HS3ST5: variants seen among roughly 807,000 people sequenced by gnomAD.
HS3ST5 encodes the protein heparan sulfate glucosamine 3-O-sulfotransferase 5.
In HS3ST5, 10 loss-of-function variants were observed where a neutral mutation model predicts 25.4. The observed-to-expected ratio is 0.39, with a 90% CI of 0.24 to 0.67. The LOEUF is 0.67. Among genes scored for constraint, HS3ST5 ranks in the 30% least tolerant of loss-of-function variants. The probability of loss-of-function intolerance (pLI) is 0.44; values close to 1 mark genes in which losing one functional copy is unlikely to be tolerated. For missense variants in HS3ST5, 324 were observed against 420.7 expected, an observed-to-expected ratio of 0.77 and a Z score of 2.01; for synonymous variants, 170 against 162.4, an observed-to-expected ratio of 1.05 and a Z score of -0.36.
At chr6:114,246,292 G>A (rs946448740) in intron 1 of HS3ST5, among the ~76,000 whole-genome samples, 1 of 152,174 alleles carries the variant, frequency 6.6e-6, no homozygotes, top group Non-Finnish European at 1.5e-5. Flanking sequence ...GGAAATTACT[G>A]GAAACTTGCA....
intron 2 of HS3ST5, among the ~76,000 whole-genome samples, chr6:114,178,170 G>A (rs1012260236): frequency 1.3e-5 from 2 of 152,056 alleles, no homozygotes; most frequent in Non-Finnish European, 2.9e-5. Flanking sequence ...ATGAACAAAG[G>A]TTACCCCAAA....
At chr6:114,191,495 A>C (rs1780500548) in intron 2 of HS3ST5, among the ~76,000 whole-genome samples, 2 of 152,234 alleles carry the variant, frequency 1.3e-5, no homozygotes. Context: ...GAAAGATGAC[A>C]TGAGAATCAA....
chr6:114,176,333 T>A (rs1253686162), intron 2 of HS3ST5, among the ~76,000 whole-genome samples: 1 of 152,184 alleles, frequency 6.6e-6, no homozygotes, highest in Non-Finnish European at 1.5e-5. Flanking sequence ...ATGTCTATCA[T>A]CTACTAAGTT....
chr6:114,114,957 G>T (rs538697157), intron 3 of HS3ST5, among the ~76,000 whole-genome samples: 10 of 152,066 alleles, frequency 6.6e-5, no homozygotes, highest in African/African-American at 2.4e-4. Context: ...CTTTATAAAT[G>T]CAAGGACAGT....
At chr6:114,341,654 G>A (rs981588588) in intron 1 of HS3ST5, among the ~76,000 whole-genome samples, 2 of 139,808 alleles carry the variant, frequency 1.4e-5, no homozygotes, top group African/African-American at 3.3e-5. Context: ...TGAGGGGTGT[G>A]GGGGGGGCCA....
At chr6:114,098,237 T>A (rs1012933330) in intron 3 of HS3ST5, among the ~76,000 whole-genome samples, 1 of 151,932 alleles carries the variant, frequency 6.6e-6, no homozygotes, top group Admixed American at 6.6e-5. Context: ...AATCATTTGC[T>A]TTCTTTTATT....
intron 3 of HS3ST5, among the ~76,000 whole-genome samples, chr6:114,125,538 G>A (rs761713420): frequency 1.5e-4 from 23 of 151,950 alleles, no homozygotes; most frequent in Non-Finnish European, 2.1e-4. Flanking sequence ...CTCTATTTCC[G>A]GCATCATCTA....
chr6:114,294,219 C>T (rs1349594098), intron 1 of HS3ST5, among the ~76,000 whole-genome samples: 3 of 152,022 alleles, frequency 2.0e-5, no homozygotes, highest in African/African-American at 7.2e-5. Flanking sequence ...GCATTGGAAG[C>T]AGAAAAAAAA....
At chr6:114,115,021 C>T (rs1436176798) in intron 3 of HS3ST5, among the ~76,000 whole-genome samples, 1 of 152,112 alleles carries the variant, frequency 6.6e-6, no homozygotes, top group East Asian at 1.9e-4. Flanking sequence ...GTCCCGAAAT[C>T]AAGTGCATAA....
chr6:114,216,886 G>A (rs769137555), intron 2 of HS3ST5, among the ~76,000 whole-genome samples: 3 of 152,150 alleles, frequency 2.0e-5, no homozygotes, highest in Non-Finnish European at 4.4e-5. Flanking sequence ...AGGATGGGAG[G>A]AAAGTTTGGG....
At chr6:114,105,285 C>A (rs773120667) in intron 3 of HS3ST5, among the ~76,000 whole-genome samples, 1 of 152,086 alleles carries the variant, frequency 6.6e-6, no homozygotes, top group Non-Finnish European at 1.5e-5. Context: ...AAATTTTAGC[C>A]AAAGCATGTT....
In HS3ST5 at chr6:114,057,208, A is replaced by G; in HGVS notation, c.*49T>C. On this transcript the variant is annotated 3_prime_UTR_variant, in exon 5 of 5. Coordinates refer to ENST00000312719, the MANE Select transcript of HS3ST5 (RefSeq NM_153612.4). The stretch of plus-strand genomic sequence containing the variant: ...AAGTGCATATTTTAATCTACAGGAG[A>G]CATTGTGTGTCTCCAGGCACAACAC... The G allele has an allele frequency of 7.7e-7, 1 of 1,302,556 alleles. No homozygotes were observed. Among genetic ancestry groups the G allele is most frequent in the Non-Finnish European group, 1.1e-6 (1 of 921,668 alleles). 80.7% of individuals were successfully genotyped at this position (1,302,556 alleles called of 1,614,324 possible).
intron 1 of HS3ST5, chr6:114,239,130 T>C (rs999278657): frequency 6.6e-6 from 1 of 152,218 alleles, no homozygotes; most frequent in African/African-American, 2.4e-5. Context: ...AACTTCAAAT[T>C]TGTGAGCTTT....
chr6:114,241,545 C>A (rs1474869478), intron 1 of HS3ST5, among the ~76,000 whole-genome samples: 1 of 152,166 alleles, frequency 6.6e-6, no homozygotes, highest in Non-Finnish European at 1.5e-5. Flanking sequence ...GGGCTCTTAT[C>A]AGGCAAAGTC....
intron 1 of HS3ST5, among the ~76,000 whole-genome samples, chr6:114,229,232 A>T (rs749442946): frequency 9.9e-5 from 15 of 152,212 alleles, no homozygotes; most frequent in South Asian, 4.1e-4. Flanking sequence ...ACTTGCCAAG[A>T]TAATTAGGTA....
At chr6:114,282,952 G>C (rs948998872) in intron 1 of HS3ST5, among the ~76,000 whole-genome samples, 2 of 151,766 alleles carry the variant, frequency 1.3e-5, no homozygotes, top group Non-Finnish European at 2.9e-5. Context: ...ATATACTTTG[G>C]TAGTCAGAGT....
At chr6:114,163,785 C>G (rs1238919704) in intron 3 of HS3ST5, among the ~76,000 whole-genome samples, 1 of 152,080 alleles carries the variant, frequency 6.6e-6, no homozygotes, top group African/African-American at 2.4e-5. Context: ...ATCTGTCGAT[C>G]ATTGTTTCTA....
intron 1 of HS3ST5, among the ~76,000 whole-genome samples, chr6:114,269,008 C>T (rs1164931744): frequency 1.3e-5 from 2 of 152,216 alleles, no homozygotes; most frequent in African/African-American, 2.4e-5. Flanking sequence ...GGCTATTAGA[C>T]TGCTACCTTC....
At chr6:114,312,768 A>G (rs785131) in intron 1 of HS3ST5, among the ~76,000 whole-genome samples, 100,813 of 151,746 alleles carry the variant, frequency 0.66, 34,059 homozygotes, top group African/African-American at 0.75. Context: ...GGTGGCTCAT[A>G]CCTATAATCC....
Sources: allele counts gnomAD v4.1 joint callset (sites outside exome capture counted in the v4.1 genomes callset), GRCh38; gene constraint gnomAD v4.1.1; transcripts MANE v1.5; gene names NCBI Gene and HGNC (gene_info 2026-07-23, HGNC 2026-07-21).